Variants in TPD52 observed in about 807,000 individuals in gnomAD.
TPD52 encodes tumor protein D52.
TPD52 carries 17 observed loss-of-function variants against 31.3 expected under a neutral mutation model. That is an observed-to-expected ratio of 0.54 (90% confidence interval 0.37 to 0.82). The LOEUF (loss-of-function observed/expected upper bound fraction) is 0.82. TPD52 is among the 40% of genes least tolerant of loss of function. The pLI is 0.00. For synonymous variants in TPD52, 83 were observed against 89.6 expected (o/e 0.93, Z 0.42); for missense variants, 212 against 240.1 (o/e 0.88, Z 0.77).
chr8:80,080,631 C>A (rs950468441), intron 1 of TPD52: 8 of 1,354,334 alleles, frequency 5.9e-6, no homozygotes, highest in Admixed American at 3.0e-5. Flanking sequence ...AGCCTTCACG[C>A]CCCTCCTGAT....
At chr8:80,111,901 G>A (rs1055955769) in intron 1 of TPD52, among the ~76,000 whole-genome samples, 22 of 152,300 alleles carry the variant, frequency 1.4e-4, no homozygotes, top group African/African-American at 4.6e-4. Context: ...GGGTTGTTGT[G>A]AATGGCAACA....
At chr8:80,093,835 C>A (rs1816479099) in intron 1 of TPD52, among the ~76,000 whole-genome samples, 2 of 152,202 alleles carry the variant, frequency 1.3e-5, no homozygotes, top group Admixed American at 6.5e-5. Context: ...ATTTCCAATT[C>A]CAAATTTCAC....
rs565833405 is a variant in TPD52 at position 80,123,403 on chromosome 8, C to T, written c.19+48022G>A. Among the ~76,000 whole-genome samples the T allele has an allele frequency of 7.2e-5, 11 of 152,230 alleles. 1 individual carries two copies. In the South Asian group the frequency reaches 1.7e-3, roughly 23 times the overall value. The stretch of plus-strand genomic sequence containing the variant: ...AAGACAAGGTGGGCGATGGTACCTC[C>T]GACCAAGAAAGAGAATGTAGGTTTA... On this transcript the variant is annotated intron_variant, in intron 1 of 7. Coordinates refer to ENST00000518937, the MANE Select transcript of TPD52 (RefSeq NM_001025253.3).
At position 80,037,178 on chromosome 8, in the gene TPD52, T is replaced by C. The variant is rs1809965415; in HGVS notation, c.*938A>G. On this transcript the variant is annotated 3_prime_UTR_variant, in exon 8 of 8. Transcript: ENST00000518937. ...TTAGTCATATAACTTGGTGTGCTTA[T>C]TTTAAATAGTGCTAAATGGATTAAG... 1 of 152,600 alleles carries C rather than the reference T, an allele frequency of 6.6e-6. No individual in the cohort carries two copies. 9.5% of individuals were successfully genotyped at this position (152,600 alleles called of 1,614,324 possible).
At chr8:80,062,448 T>C (rs1812652761) in intron 2 of TPD52, among the ~76,000 whole-genome samples, 1 of 152,176 alleles carries the variant, frequency 6.6e-6, no homozygotes, top group Non-Finnish European at 1.5e-5. Context: ...GACAAAAACA[T>C]AGGGGTAAAT....
intron 1 of TPD52, among the ~76,000 whole-genome samples, chr8:80,098,206 CCTG>C (rs1563624272): frequency 6.6e-6 from 1 of 152,156 alleles, no homozygotes; most frequent in Non-Finnish European, 1.5e-5. Context: ...TGTTTTCATG[CCTG>C]CTAATACAAC....
At chr8:80,105,373 T>C (rs1206688610) in intron 1 of TPD52, among the ~76,000 whole-genome samples, 3 of 152,132 alleles carry the variant, frequency 2.0e-5, no homozygotes, top group East Asian at 1.9e-4. Flanking sequence ...ATTACAGACA[T>C]TGTATGGAAA....
chr8:80,161,379 T>C (rs1343988893), intron 1 of TPD52, among the ~76,000 whole-genome samples: 3 of 152,214 alleles, frequency 2.0e-5, no homozygotes, highest in Non-Finnish European at 4.4e-5. Context: ...GTCTTTTCTA[T>C]CCAAATCCAT....
rs977939775 is a variant in TPD52 at position 80,072,798 on chromosome 8, C to CACATAT, written c.20-8206_20-8205insATATGT. Among the ~76,000 whole-genome samples, 193 of 141,074 alleles carry CACATAT rather than the reference C, an allele frequency of 1.4e-3. 3 individuals carry two copies. The highest frequency in any genetic ancestry group is 5.5e-3 in the African/African-American group (182 of 33,332). The allele number at this position is 141,074 out of a possible 152,430, so 92.6% of individuals were successfully genotyped here. The stretch of plus-strand genomic sequence containing the variant: ...ATATATACACATACACACACACACA[C>CACATAT]ATATATATATATATATAAACTTGGC... On this transcript the variant is annotated intron_variant, in intron 1 of 7. Coordinates refer to ENST00000518937, the MANE Select transcript of TPD52 (RefSeq NM_001025253.3).
At chr8:80,134,452 A>G (rs1809249049) in intron 1 of TPD52, among the ~76,000 whole-genome samples, 1 of 152,222 alleles carries the variant, frequency 6.6e-6, no homozygotes, top group African/African-American at 2.4e-5. Flanking sequence ...CATGACATTA[A>G]TTATTATCTC....
At chr8:80,167,724 G>A (rs1299846822) in intron 1 of TPD52, among the ~76,000 whole-genome samples, 2 of 152,170 alleles carry the variant, frequency 1.3e-5, no homozygotes, top group Non-Finnish European at 2.9e-5. Flanking sequence ...AAATGATAGT[G>A]ACATATTATT....
intron 1 of TPD52, among the ~76,000 whole-genome samples, chr8:80,082,422 G>C (rs73261846): frequency 0.028 from 4,210 of 152,138 alleles, 186 homozygotes; most frequent in African/African-American, 0.096. Context: ...AAAAGTATTT[G>C]TCCATTACTT....
At position 80,128,528 on chromosome 8, in the gene TPD52, TAC is replaced by T. The variant is rs1478861581; in HGVS notation, c.19+42895_19+42896del. ...AAAAAAAAAATGCTGGGCATGGTGG[TAC>T]ACACCCATACTTCTCAGCTACTCAG... On this transcript the variant is annotated intron_variant, in intron 1 of 7. Transcript: ENST00000518937. Among the ~76,000 whole-genome samples, 8 of 142,962 alleles carry T rather than the reference TAC, an allele frequency of 5.6e-5. No individual in the cohort carries two copies. The East Asian group carries it at 1.6e-3, about 28-fold the overall frequency. 93.8% of individuals were successfully genotyped at this position (142,962 alleles called of 152,430 possible).
chr8:80,037,842 A>C lies in TPD52; in HGVS notation c.*274T>G, dbSNP rs1392608368. The C allele has an allele frequency of 3.5e-6, 1 of 286,522 alleles. No individual in the cohort carries two copies. Among genetic ancestry groups the C allele is most frequent in the Admixed American group, 4.8e-5 (1 of 20,826 alleles). The allele number at this position is 286,522 out of a possible 1,614,324, so 17.7% of individuals were successfully genotyped here. On this transcript the variant is annotated 3_prime_UTR_variant, in exon 8 of 8. Coordinates refer to ENST00000518937, the MANE Select transcript of TPD52 (RefSeq NM_001025253.3). ...CAACTATGACAATCTGTAGCTTCTTAGATCATTATAGTGAATGTCCCCATT... is the reference window on the plus strand; with the variant it reads ...CAACTATGACAATCTGTAGCTTCTTCGATCATTATAGTGAATGTCCCCATT...
chr8:80,141,727 T>C (rs555872223), intron 1 of TPD52, among the ~76,000 whole-genome samples: 1 of 152,140 alleles, frequency 6.6e-6, no homozygotes, highest in Non-Finnish European at 1.5e-5. Flanking sequence ...CTGGCCAACA[T>C]GGTGAAATCC....
chr8:80,102,084 T>C (rs1282863635), intron 1 of TPD52, among the ~76,000 whole-genome samples: 1 of 152,194 alleles, frequency 6.6e-6, no homozygotes, highest in Non-Finnish European at 1.5e-5. Context: ...GTCCTAGTTA[T>C]CTAAAACAAA....
At chr8:80,152,901 G>A (rs1810683081) in intron 1 of TPD52, among the ~76,000 whole-genome samples, 1 of 151,928 alleles carries the variant, frequency 6.6e-6, no homozygotes, top group Admixed American at 6.6e-5. Flanking sequence ...TTAAGAACCT[G>A]AATATCAACT....
At chr8:80,071,011 G>A (rs945156279) in intron 1 of TPD52, among the ~76,000 whole-genome samples, 14 of 152,162 alleles carry the variant, frequency 9.2e-5, no homozygotes, top group African/African-American at 3.4e-4. Flanking sequence ...AAGATACAGA[G>A]CGCAAAGCAC....
At chr8:80,124,294 T>C (rs914089394) in intron 1 of TPD52, among the ~76,000 whole-genome samples, 2 of 152,052 alleles carry the variant, frequency 1.3e-5, no homozygotes, top group East Asian at 1.9e-4. Flanking sequence ...GCTTCCCAAA[T>C]AGCTGAGACT....
Sources: gnomAD v4.1 joint callset for allele counts (sites outside exome capture counted in the v4.1 genomes callset) on GRCh38, gnomAD v4.1.1 for gene constraint, MANE v1.5 for transcripts, NCBI Gene and HGNC (gene_info 2026-07-23, HGNC 2026-07-21) for gene names.